The following SERPINI1 variants were observed in gnomAD, a reference collection of about 807,000 sequenced individuals.
SERPINI1 encodes serpin family I member 1.
SERPINI1 carries 19 observed loss-of-function variants against 41.1 expected under a neutral mutation model. The ratio of observed to expected loss-of-function variants is 0.46; its 90% CI spans 0.32 to 0.68. The LOEUF (loss-of-function observed/expected upper bound fraction) is 0.68. Ranked by LOEUF, SERPINI1 falls within the 30% of genes least tolerant of loss-of-function variation. The pLI, the probability that SERPINI1 is intolerant of heterozygous loss-of-function variation, is 0.03. For missense variants in SERPINI1, 460 were observed against 479.2 expected (o/e 0.96, Z 0.37); for synonymous variants, 138 against 156.6 (o/e 0.88, Z 0.89).
chr3:167,738,721 G>A (rs1725568108), intron 1 of SERPINI1, among the ~76,000 whole-genome samples: 1 of 151,114 alleles, frequency 6.6e-6, no homozygotes, highest in Non-Finnish European at 1.5e-5. Context: ...ATTTTTACTG[G>A]AATAAATTTT....
chr3:167,738,942 T>C (rs1259184454), intron 1 of SERPINI1, among the ~76,000 whole-genome samples: 1 of 151,706 alleles, frequency 6.6e-6, no homozygotes, highest in Non-Finnish European at 1.5e-5. Context: ...TATCAAAAAG[T>C]AAATACCTAA....
At chr3:167,742,038 A>G (rs1042665464) in intron 1 of SERPINI1, among the ~76,000 whole-genome samples, 7 of 152,144 alleles carry the variant, frequency 4.6e-5, no homozygotes, top group African/African-American at 1.7e-4. Flanking sequence ...GCAAATAACT[A>G]GTTATCTAGA....
At chr3:167,753,607 C>G (rs1015057172) in intron 1 of SERPINI1, among the ~76,000 whole-genome samples, 1 of 152,092 alleles carries the variant, frequency 6.6e-6, no homozygotes, top group Non-Finnish European at 1.5e-5. Context: ...AAACTTACCC[C>G]TGTGGCCTTT....
At chr3:167,811,810 C>A (rs1343134987) in intron 6 of SERPINI1, among the ~76,000 whole-genome samples, 1 of 152,098 alleles carries the variant, frequency 6.6e-6, no homozygotes, top group Non-Finnish European at 1.5e-5. Flanking sequence ...GAGTTCAAAA[C>A]CACCCTGGGT....
In SERPINI1 at chr3:167,794,601, G is replaced by A; in HGVS notation, c.677-19G>A. On this transcript the variant is annotated intron_variant, in intron 4 of 8. Coordinates refer to ENST00000446050, the MANE Select transcript of SERPINI1 (RefSeq NM_001122752.2). ...TAAGCTTTGATAGGCATCTTTTATG[G>A]CCTTTATTTTCTTTTTAGGGGAATT... 6.2e-7 allele frequency: 1 copy of A among 1,609,418 alleles called. No homozygotes were observed. The highest frequency in any genetic ancestry group is 8.5e-7 in the Non-Finnish European group (1 of 1,176,726).
intron 1 of SERPINI1, 67 bp from the exon 2 acceptor site, chr3:167,789,044 A>G: frequency 6.7e-7 from 1 of 1,495,482 alleles, no homozygotes; most frequent in Non-Finnish European, 9.2e-7. Flanking sequence ...ACCTCCCAAC[A>G]TATCCTTCCA....
chr3:167,787,399 A>G (rs1727349951), intron 1 of SERPINI1, among the ~76,000 whole-genome samples: 1 of 152,248 alleles, frequency 6.6e-6, no homozygotes, highest in Admixed American at 6.5e-5. Flanking sequence ...TACAACTTGC[A>G]GTACAGTAGG....
At chr3:167,774,613 G>A (rs1037950092) in intron 1 of SERPINI1, among the ~76,000 whole-genome samples, 2 of 152,038 alleles carry the variant, frequency 1.3e-5, no homozygotes, top group African/African-American at 4.8e-5. Context: ...TTACCAACCC[G>A]AGCTCCACCT....
At chr3:167,772,862 C>CTA (rs1439011529) in intron 1 of SERPINI1, among the ~76,000 whole-genome samples, 3 of 23,650 alleles carry the variant, frequency 1.3e-4, no homozygotes, top group African/African-American at 1.6e-4. Flanking sequence ...CTCTCTCTCT[C>CTA]TCTATATATA....
intron 1 of SERPINI1, among the ~76,000 whole-genome samples, chr3:167,774,055 G>A (rs1425411943): frequency 6.8e-6 from 1 of 147,282 alleles, no homozygotes; most frequent in African/African-American, 2.6e-5. Flanking sequence ...CTAAAAAAAA[G>A]AATTCTTAGA....
intron 3 of SERPINI1, 64 bp downstream of exon 3, chr3:167,790,666 G>A (rs1727476613): frequency 8.3e-7 from 1 of 1,201,280 alleles, no homozygotes; most frequent in Non-Finnish European, 1.2e-6. Flanking sequence ...ACTTCTGAAA[G>A]TATTTCCTCC....
At chr3:167,770,977 G>T (rs1577408554) in intron 1 of SERPINI1, among the ~76,000 whole-genome samples, 1 of 152,148 alleles carries the variant, frequency 6.6e-6, no homozygotes, top group Admixed American at 6.5e-5. Context: ...CTACTTAAAA[G>T]ATGAAGGATT....
At chr3:167,805,960 T>G (rs1283736558) in intron 5 of SERPINI1, among the ~76,000 whole-genome samples, 1 of 152,066 alleles carries the variant, frequency 6.6e-6, no homozygotes, top group Non-Finnish European at 1.5e-5. Flanking sequence ...GACCCAGCAA[T>G]CCCATTACTA....
chr3:167,809,826 A>G (rs568032130), intron 6 of SERPINI1, among the ~76,000 whole-genome samples: 4 of 152,296 alleles, frequency 2.6e-5, no homozygotes, highest in Admixed American at 6.5e-5. Flanking sequence ...CACATTACAT[A>G]CAGTCTAAGG....
chr3:167,742,884 C>T (rs1725726618), intron 1 of SERPINI1, among the ~76,000 whole-genome samples: 1 of 148,934 alleles, frequency 6.7e-6, no homozygotes, highest in Admixed American at 6.7e-5. Context: ...TCTAACCTTC[C>T]CATACCAAGT....
chr3:167,794,909 C>T, intron 5 of SERPINI1, 85 bp downstream of exon 5: 1 of 1,011,170 alleles, frequency 9.9e-7, no homozygotes, highest in Non-Finnish European at 1.5e-6. Flanking sequence ...CTTCGAACTG[C>T]TTTCGAATTA....
intron 1 of SERPINI1, among the ~76,000 whole-genome samples, chr3:167,747,980 G>C (rs1487654123): frequency 2.7e-5 from 4 of 150,828 alleles, no homozygotes; most frequent in Non-Finnish European, 5.9e-5. Context: ...AAAAGCCTAA[G>C]CAACTTTAAG....
At chr3:167,738,091 T>C (rs1270185233) in intron 1 of SERPINI1, among the ~76,000 whole-genome samples, 1 of 152,150 alleles carries the variant, frequency 6.6e-6, no homozygotes, top group Non-Finnish European at 1.5e-5. Context: ...TTTTTCTTGA[T>C]TGGTGTTGAA....
At chr3:167,805,581 T>G (rs1711598692) in intron 5 of SERPINI1, among the ~76,000 whole-genome samples, 1 of 152,190 alleles carries the variant, frequency 6.6e-6, no homozygotes, top group Non-Finnish European at 1.5e-5. Flanking sequence ...TTGTTGCAAT[T>G]GGTTTTGATG....
Sources: allele counts gnomAD v4.1 joint callset (sites outside exome capture counted in the v4.1 genomes callset), GRCh38; gene constraint gnomAD v4.1.1; transcripts MANE v1.5; gene names NCBI Gene and HGNC (gene_info 2026-07-23, HGNC 2026-07-21).